Variants in ALMS1 observed in about 807,000 individuals in gnomAD.
ALMS1 encodes ALMS1 centrosome and basal body associated protein.
A neutral mutation model predicts 352.2 loss-of-function variants in ALMS1; 271 were observed. The ratio of observed to expected loss-of-function variants is 0.77; its 90% CI spans 0.70 to 0.85. The LOEUF is 0.85. Among genes scored for constraint, ALMS1 ranks in the 40% least tolerant of loss-of-function variants. The pLI is 0.00. For synonymous variants in ALMS1, 1,865 were observed against 1,761.2 expected (o/e 1.06, Z -1.48); for missense variants, 5,445 against 4,870.7 (o/e 1.12, Z -3.51).
rs775768298 is a variant in ALMS1 at position 73,451,434 on chromosome 2, C to T, written c.4907C>T (p.Pro1636Leu). The T allele has an allele frequency of 3.7e-6, 6 of 1,611,664 alleles. No individual in the cohort carries two copies. In the African/African-American group the frequency reaches 6.7e-5, roughly 18 times the overall value. ...TACCGGCAGGCTCTGCTAGACAGTCCTCTAAATAAAGAGGTTGTGAAAGTT... is the reference window on the plus strand; with the variant it reads ...TACCGGCAGGCTCTGCTAGACAGTCTTCTAAATAAAGAGGTTGTGAAAGTT... Reference protein sequence around the residue: ...TFYRQALLDSPLNKEVVKVSA... With the variant: ...TFYRQALLDSLLNKEVVKVSA... Residue 1636 changes from proline (P) to leucine (L), a missense_variant, in exon 8 of 23, where the codon CCT becomes CTT. By Grantham distance (98) the Pro-to-Leu change is moderately conservative (BLOSUM62 -3). Transcript: ENST00000613296.
intron 20 of ALMS1, 74 bp from the exon 21 acceptor site, chr2:73,603,167 C>T (rs1390327653): frequency 2.1e-6 from 3 of 1,442,534 alleles, no homozygotes; most frequent in African/African-American, 1.4e-5. Flanking sequence ...CTAGCAGCTC[C>T]CTCTCCCAGC....
At chr2:73,508,612 A>C (rs780764043) in intron 10 of ALMS1, among the ~76,000 whole-genome samples, 1 of 152,130 alleles carries the variant, frequency 6.6e-6, no homozygotes, top group South Asian at 2.1e-4. Flanking sequence ...TTTACTTCCA[A>C]TTATGTGGTC....
chr2:73,557,333 T>A lies in ALMS1; in HGVS notation c.10192T>A (p.Ser3398Thr). The change falls in exon 14 of 23, where the codon TCT becomes ACT. Residue 3398 changes from serine to threonine, a missense_variant. By Grantham distance (58) the Ser-to-Thr change is moderately conservative (BLOSUM62 1). Transcript: ENST00000613296. The stretch of plus-strand genomic sequence containing the variant: ...GGCTGCCCAGGCTAAAGAAAAAGAA[T>A]CTTTGCAGAAAGATACTGCAGGTAG... ...TEAAQAKEKE[S>T]LQKDTADSSA... 1 of 1,614,112 alleles carries A rather than the reference T, an allele frequency of 6.2e-7. No homozygotes were observed. Among genetic ancestry groups the A allele is most frequent in the Non-Finnish European group, 8.5e-7 (1 of 1,179,994 alleles).
chr2:73,563,722 C>CAAAAA (rs1170434973), intron 15 of ALMS1, among the ~76,000 whole-genome samples: 11 of 52,188 alleles, frequency 2.1e-4, no homozygotes, highest in African/African-American at 1.4e-3. Flanking sequence ...GACTCCATCT[C>CAAAAA]AAAAAAAAAA....
chr2:73,486,741 C>T (rs1003676929), intron 9 of ALMS1, among the ~76,000 whole-genome samples: 2 of 152,100 alleles, frequency 1.3e-5, no homozygotes, highest in African/African-American at 4.8e-5. Flanking sequence ...TTATACTTAG[C>T]AGGAGAAATA....
chr2:73,490,249 C>A lies in ALMS1; in HGVS notation c.8290C>A (p.Leu2764Ile). The A allele has an allele frequency of 6.2e-7, 1 of 1,614,090 alleles. No individual in the cohort carries two copies. Among genetic ancestry groups the A allele is most frequent in the Non-Finnish European group, 8.5e-7 (1 of 1,180,002 alleles). ...FTEEQNPPRDLKQKTSSPSSF... is the reference protein window; with the variant it reads ...FTEEQNPPRDIKQKTSSPSSF... ...TGAAGAACAAAATCCTCCCAGAGAT[C>A]TTAAACAGAAAACCTCTTCCCCTTC... The change falls in exon 10 of 23, where the codon CTT becomes ATT. Residue 2764 changes from leucine to isoleucine, a missense_variant. Coordinates refer to ENST00000613296, the MANE Select transcript of ALMS1 (RefSeq NM_001378454.1).
intron 9 of ALMS1, among the ~76,000 whole-genome samples, chr2:73,471,240 T>C (rs1458335612): frequency 1.3e-4 from 19 of 151,274 alleles, no homozygotes; most frequent in South Asian, 8.3e-4. Context: ...TTTTTTTCTT[T>C]CGTGTATCTT....
At chr2:73,447,845 T>G (rs772554319) in intron 7 of ALMS1, 115 bp from the exon 8 acceptor site, 2 of 1,320,538 alleles carry the variant, frequency 1.5e-6, no homozygotes, top group Non-Finnish European at 2.0e-6. Context: ...GATGGCTGTT[T>G]CCTTAGGATT....
chr2:73,475,360 G>A (rs909288322), intron 9 of ALMS1, among the ~76,000 whole-genome samples: 1 of 152,064 alleles, frequency 6.6e-6, no homozygotes, highest in African/African-American at 2.4e-5. Context: ...GTATATGAGG[G>A]TTTCAGTTTC....
At chr2:73,399,867 T>C (rs530121683) in intron 1 of ALMS1, among the ~76,000 whole-genome samples, 9 of 152,238 alleles carry the variant, frequency 5.9e-5, no homozygotes, top group African/African-American at 1.9e-4. Flanking sequence ...CAAATGTTTT[T>C]TCTGCATCTG....
Position 73,414,479 on chromosome 2 carries a change from T to TTTTGTTTTGTTTTG in ALMS1, c.451-4641_451-4640insGTTTTGTTTTGTTT, listed in dbSNP as rs1311436374. Among the ~76,000 whole-genome samples the TTTTGTTTTGTTTTG allele has an allele frequency of 2.0e-3, 188 of 91,752 alleles. 3 individuals are homozygous for TTTTGTTTTGTTTTG. The highest frequency in any genetic ancestry group is 5.6e-3 in the African/African-American group (180 of 32,240). 60.2% of individuals were successfully genotyped at this position (91,752 alleles called of 152,430 possible). A position where few individuals can be genotyped will look rare whatever the true frequency, so the allele number is the denominator to read the frequency against. Reference sequence around the variant, plus strand: ...ATGTCATTTCTTTTTTTCCGTTTTTTTTTTTTTTTGTTTTTTTTTTGCTTT... The same window carrying TTTTGTTTTGTTTTG: ...ATGTCATTTCTTTTTTTCCGTTTTTTTTTGTTTTGTTTTGTTTTTTTTTGTTTTTTTTTTGCTTT... On this transcript the variant is annotated intron_variant, in intron 2 of 22. Transcript: ENST00000613296.
chr2:73,579,085 T>TTTTTTTTTTTTTTTTATA (rs1675116414), intron 16 of ALMS1, among the ~76,000 whole-genome samples: 1 of 149,130 alleles, frequency 6.7e-6, no homozygotes. Flanking sequence ...ATTTTTTTTT[T>TTTTTTTTTTTTTTTTATA]TGAGACGGAG....
chr2:73,419,808 C>T (rs1671250861), intron 3 of ALMS1, among the ~76,000 whole-genome samples: 3 of 152,096 alleles, frequency 2.0e-5, no homozygotes, highest in East Asian at 1.9e-4. Context: ...TGCTGCTTTC[C>T]TCTGTTTAGT....
Position 73,603,305 on chromosome 2 carries a change from G to T in ALMS1, c.12362+1G>T. ...AGGAAATGATTCAGAGGTCCAAACG[G>T]TAAGACCAAGAAAACAAGAGTACGT... On this transcript the variant is annotated splice_donor_variant, in intron 21 of 22. Transcript: ENST00000613296. LOFTEE classifies it high-confidence loss of function. 6.2e-7 allele frequency: 1 copy of T among 1,613,976 alleles called. No homozygotes were observed. The highest frequency in any genetic ancestry group is 8.5e-7 in the Non-Finnish European group (1 of 1,179,914).
chr2:73,455,842 AT>A (rs35537968), intron 9 of ALMS1, among the ~76,000 whole-genome samples: 2,623 of 150,482 alleles, frequency 0.017, 73 homozygotes, highest in African/African-American at 0.059. Flanking sequence ...TGTTTTATCA[AT>A]TTTTTTTTTA....
intron 9 of ALMS1, among the ~76,000 whole-genome samples, chr2:73,465,743 A>G (rs1408377468): frequency 6.6e-6 from 1 of 151,892 alleles, no homozygotes; most frequent in African/African-American, 2.4e-5. Flanking sequence ...TACTCATCTG[A>G]CAAAGGGCTA....
Position 73,450,257 on chromosome 2 carries a change from A to G in ALMS1, c.3730A>G (p.Lys1244Glu), listed in dbSNP as rs757303904. Residue 1244 changes from lysine (K) to glutamate (E), a missense_variant, in exon 8 of 23, where the codon AAG (lysine) becomes GAG (glutamate). Transcript: ENST00000613296. ...PTSASYSHTEKPGIFYQQVLP... is the reference protein window; with the variant it reads ...PTSASYSHTEEPGIFYQQVLP... ...CTCTGCTTCTTACTCACACACAGAG[A>G]AGCCTGGTATTTTCTACCAACAGGT... 1.9e-6 allele frequency: 3 copies of G among 1,614,050 alleles called. No homozygotes were observed. The highest frequency in any genetic ancestry group is 1.7e-6 in the Non-Finnish European group (2 of 1,179,978).
chr2:73,569,454 C>G (rs1327019666), intron 15 of ALMS1, among the ~76,000 whole-genome samples: 6 of 152,116 alleles, frequency 3.9e-5, no homozygotes, highest in Admixed American at 2.6e-4. Context: ...GTTTTACTTA[C>G]TGCTTTAATG....
intron 10 of ALMS1, among the ~76,000 whole-genome samples, chr2:73,518,655 A>G (rs1673609141): frequency 6.6e-6 from 1 of 152,180 alleles, no homozygotes; most frequent in African/African-American, 2.4e-5. Context: ...TATAACAGCC[A>G]TTCTGATTGA....
Sources: gnomAD v4.1 joint callset for allele counts (sites outside exome capture counted in the v4.1 genomes callset) on GRCh38, gnomAD v4.1.1 for gene constraint, MANE v1.5 for transcripts, NCBI Gene and HGNC (gene_info 2026-07-23, HGNC 2026-07-21) for gene names.